Variants in FREM1 observed in about 807,000 individuals in gnomAD.
FREM1 encodes the protein FRAS1 related extracellular matrix 1.
In FREM1, 220 loss-of-function variants were observed where a neutral mutation model predicts 210.1. The observed-to-expected ratio is 1.05, with a 90% CI of 0.94 to 1.17. The LOEUF (loss-of-function observed/expected upper bound fraction) is 1.17. FREM1 is among the 50% of genes most tolerant of loss of function. The pLI is 0.00. For synonymous variants in FREM1, 1,189 were observed against 980.2 expected (o/e 1.21, Z -3.98); for missense variants, 3,454 against 2,675.5 (o/e 1.29, Z -6.42).
chr9:14,768,402 A>T (rs191916121), intron 27 of FREM1, among the ~76,000 whole-genome samples: 6 of 151,540 alleles, frequency 4.0e-5, no homozygotes, highest in African/African-American at 1.5e-4. Context: ...TTTCCCATAA[A>T]GATTGTGATC....
At chr9:14,756,021 T>A (rs377654049) in intron 29 of FREM1, among the ~76,000 whole-genome samples, 1 of 152,226 alleles carries the variant, frequency 6.6e-6, no homozygotes, top group Non-Finnish European at 1.5e-5. Flanking sequence ...TCTGAAAATT[T>A]TCATAAAATA....
At chr9:14,746,263 T>C in intron 35 of FREM1, 90 bp downstream of exon 35, 1 of 935,474 alleles carries the variant, frequency 1.1e-6, no homozygotes. Flanking sequence ...CAATACTTGT[T>C]GAATGAATGA....
chr9:14,889,901 C>G (rs549286595), intron 1 of FREM1, among the ~76,000 whole-genome samples: 233 of 152,290 alleles, frequency 1.5e-3, no homozygotes, highest in Non-Finnish European at 1.6e-3. Context: ...CATTTTTATC[C>G]TAAGCTTGAT....
intron 25 of FREM1, among the ~76,000 whole-genome samples, chr9:14,775,244 T>C (rs1295475267): frequency 6.6e-6 from 1 of 152,200 alleles, no homozygotes; most frequent in Non-Finnish European, 1.5e-5. Context: ...AAGCTAGGTC[T>C]GTCTGACTCC....
intron 10 of FREM1, among the ~76,000 whole-genome samples, chr9:14,826,835 C>T (rs935101600): frequency 2.6e-5 from 4 of 152,202 alleles, no homozygotes; most frequent in East Asian, 1.9e-4. Flanking sequence ...CTGGAGTATA[C>T]AGCAACGAGG....
At chr9:14,885,043 G>GC (rs1261705993) in intron 1 of FREM1, among the ~76,000 whole-genome samples, 1 of 133,806 alleles carries the variant, frequency 7.5e-6, no homozygotes, top group Non-Finnish European at 1.5e-5. Flanking sequence ...TCCTGCCTCA[G>GC]CCCCCCGAGT....
Position 14,823,289 on chromosome 9 carries a change from G to A in FREM1, c.2208C>T (p.Pro736=), listed in dbSNP as rs1821720449. 1 of 1,613,788 alleles carries A rather than the reference G, an allele frequency of 6.2e-7. No individual in the cohort carries two copies. The highest frequency in any genetic ancestry group is 8.5e-7 in the Non-Finnish European group (1 of 1,179,738). ...VNYMKVAYMP[P]MQDIGPHCRD... ...TGCAATGGGGACCAATGTCTTGCAT[G>A]GGGGGCATGTAGGCCACTTTCATAT... Residue 736 remains proline (P), a synonymous_variant, in exon 13 of 37, where the codon CCC becomes CCT. Coordinates refer to ENST00000380880, the MANE Select transcript of FREM1 (RefSeq NM_001379081.2).
chr9:14,789,130 G>T lies in FREM1; in HGVS notation c.3982-16C>A. Reference sequence around the variant, plus strand: ...CCCTCCCTATCTGGAAGGAGCCAGAGTTAGTCAGCTGCTCATGGTTTTTTC... The same window carrying T: ...CCCTCCCTATCTGGAAGGAGCCAGATTTAGTCAGCTGCTCATGGTTTTTTC... On this transcript the variant is annotated splice_polypyrimidine_tract_variant and intron_variant, in intron 22 of 36. Coordinates refer to ENST00000380880, the MANE Select transcript of FREM1 (RefSeq NM_001379081.2). The T allele has an allele frequency of 6.5e-7, 1 of 1,540,548 alleles. No individual in the cohort carries two copies.
chr9:14,876,068 G>C (rs1564146734), intron 1 of FREM1, among the ~76,000 whole-genome samples: 1 of 152,158 alleles, frequency 6.6e-6, no homozygotes. Flanking sequence ...GGCCGTGTGA[G>C]GTGTCAGTCT....
intron 6 of FREM1, 46 bp downstream of exon 6, chr9:14,851,237 AC>A: frequency 5.0e-6 from 7 of 1,411,970 alleles, no homozygotes; most frequent in Non-Finnish European, 6.8e-6. Context: ...TTCTTAAATA[AC>A]CCTGTGACTT....
intron 25 of FREM1, among the ~76,000 whole-genome samples, chr9:14,771,540 G>C (rs1374056516): frequency 2.0e-5 from 3 of 152,152 alleles, no homozygotes; most frequent in Non-Finnish European, 4.4e-5. Context: ...ACGGAGCTCA[G>C]TGCATCTTGC....
chr9:14,741,184 T>G (rs898084211), intron 35 of FREM1, among the ~76,000 whole-genome samples: 1 of 152,150 alleles, frequency 6.6e-6, no homozygotes, highest in African/African-American at 2.4e-5. Flanking sequence ...CTGGTTAATA[T>G]CCATTGATAT....
chr9:14,872,668 C>G (rs1832900450), intron 1 of FREM1, among the ~76,000 whole-genome samples: 1 of 150,452 alleles, frequency 6.6e-6, no homozygotes, highest in African/African-American at 2.4e-5. Flanking sequence ...ATTTCCTTCT[C>G]CTGCCTAATT....
chr9:14,752,241 T>C (rs548570351), intron 29 of FREM1, among the ~76,000 whole-genome samples: 2 of 152,078 alleles, frequency 1.3e-5, no homozygotes, highest in South Asian at 4.2e-4. Flanking sequence ...TACTAAAAGA[T>C]ACAGAATAGA....
At chr9:14,744,034 T>C (rs181044979) in intron 35 of FREM1, among the ~76,000 whole-genome samples, 131 of 152,220 alleles carry the variant, frequency 8.6e-4, no homozygotes, top group African/African-American at 3.0e-3. Context: ...TAAGGAAATA[T>C]ATGTATTTAA....
At chr9:14,877,024 C>T (rs1012230241) in intron 1 of FREM1, among the ~76,000 whole-genome samples, 1 of 152,300 alleles carries the variant, frequency 6.6e-6, no homozygotes, top group African/African-American at 2.4e-5. Context: ...AAGGACTCCA[C>T]ACTCCTGCAG....
At chr9:14,791,160 T>G (rs1370211699) in intron 22 of FREM1, 1 of 152,224 alleles carries the variant, frequency 6.6e-6, no homozygotes, top group Non-Finnish European at 1.5e-5. Flanking sequence ...ATTACTCAAC[T>G]GACCTTCTCA....
chr9:14,812,528 C>T (rs779908582), intron 16 of FREM1, among the ~76,000 whole-genome samples: 4 of 152,128 alleles, frequency 2.6e-5, no homozygotes, highest in Non-Finnish European at 2.9e-5. Context: ...TGACCAAAAA[C>T]GCTAAGGAGA....
At chr9:14,786,907 G>A (rs141940245) in intron 23 of FREM1, among the ~76,000 whole-genome samples, 2,045 of 152,246 alleles carry the variant, frequency 0.013, 28 homozygotes, top group Middle Eastern at 0.041. Flanking sequence ...ACCCACGAGA[G>A]GTTTCACCAG....
Sources: allele counts gnomAD v4.1 joint callset (sites outside exome capture counted in the v4.1 genomes callset), GRCh38; gene constraint gnomAD v4.1.1; transcripts MANE v1.5; gene names NCBI Gene and HGNC (gene_info 2026-07-23, HGNC 2026-07-21).